Variants in SHISA7 observed in about 807,000 individuals in gnomAD.
SHISA7 encodes shisa family member 7, also known as protein shisa-7.
SHISA7 carries 6 observed loss-of-function variants against 23.9 expected under a neutral mutation model. The ratio of observed to expected loss-of-function variants is 0.25; its 90% CI spans 0.14 to 0.50. The LOEUF (loss-of-function observed/expected upper bound fraction) is 0.50. Ranked by LOEUF, SHISA7 falls within the 20% of genes least tolerant of loss-of-function variation. SHISA7 has a pLI of 0.98. For synonymous variants in SHISA7, 386 were observed against 398.3 expected, an observed-to-expected ratio of 0.97 and a Z score of 0.37; for missense variants, 671 against 801.1, an observed-to-expected ratio of 0.84 and a Z score of 1.96.
intron 3 of SHISA7, among the ~76,000 whole-genome samples, chr19:55,435,538 A>G (rs1985438077): frequency 7.2e-6 from 1 of 139,068 alleles, no homozygotes; most frequent in Non-Finnish European, 1.5e-5. Context: ...GGGTCCCTTG[A>G]GCCCAGGAGT....
In SHISA7 at chr19:55,433,308, C is replaced by T. The variant is rs1214745848; in HGVS notation, c.1465G>A (p.Ala489Thr). The T allele has an allele frequency of 1.0e-5, 15 of 1,488,638 alleles. No homozygotes were observed. Among genetic ancestry groups the T allele is most frequent in the Non-Finnish European group, 1.2e-5 (14 of 1,127,872 alleles). The allele number at this position is 1,488,638 out of a possible 1,614,324, so 92.2% of individuals were successfully genotyped here. Residue 489 changes from alanine (A) to threonine (T), a missense_variant, in exon 4 of 4, where the codon GCC (alanine) becomes ACC (threonine). Coordinates refer to ENST00000376325, the MANE Select transcript of SHISA7 (RefSeq NM_001145176.2). This position sits in a 1 kb window ranked among gnomAD's most constrained non-coding sequence, Gnocchi z 8.4. ...CCCCCGCCGGCGTCGGACATCCAGG[C>T]CGGCTGCGGCGAGCCGTGCAGGGCG... ...HHALHGSPQP[A>T]WMSDAGGGGG...
At position 55,433,288 on chromosome 19, in the gene SHISA7, G is replaced by T. The variant is rs1282573497; in HGVS notation, c.1485C>A (p.Gly495=). The T allele has an allele frequency of 2.0e-6, 3 of 1,504,480 alleles. No individual in the cohort carries two copies. Among genetic ancestry groups the T allele is most frequent in the East Asian group, 5.4e-5 (2 of 37,214 alleles). The allele number at this position is 1,504,480 out of a possible 1,614,324, so 93.2% of individuals were successfully genotyped here. A position where few individuals can be genotyped will look rare whatever the true frequency, so the allele number is the denominator to read the frequency against. Residue 495 remains glycine (G), a synonymous_variant, in exon 4 of 4, where the codon GGC becomes GGA. Coordinates refer to ENST00000376325, the MANE Select transcript of SHISA7 (RefSeq NM_001145176.2). This position sits in a 1 kb window ranked among gnomAD's most constrained non-coding sequence, Gnocchi z 8.4. ...TGCGGGCCAGTGTGCCCCCGCCCCC[G>T]CCGGCGTCGGACATCCAGGCCGGCT... ...SPQPAWMSDA[G]GGGGTLARRP...
In SHISA7 at chr19:55,442,868, C is replaced by G; in HGVS notation, c.-5G>C. On this transcript the variant is annotated 5_prime_UTR_variant, in exon 1 of 4. Coordinates refer to ENST00000376325, the MANE Select transcript of SHISA7 (RefSeq NM_001145176.2). ...GAGGAGCAGGAGGGCCGGCATGGGG[C>G]TTGCAGGGGGTCGCACTGGGCCGCC... The G allele has an allele frequency of 7.3e-7, 1 of 1,363,956 alleles. No individual in the cohort carries two copies. The allele number at this position is 1,363,956 out of a possible 1,614,324, so 84.5% of individuals were successfully genotyped here. A position where few individuals can be genotyped will look rare whatever the true frequency, so the allele number is the denominator to read the frequency against.
Position 55,433,214 on chromosome 19 carries a change from G to A in SHISA7, c.1559C>T (p.Pro520Leu). ...CAGGTGCTGGGGCAGGTGGTGGCCC[G>A]GGATGAACTGCAGCTGCTCCAGCGT... ...QGTLEQLQFI[P>L]GHHLPQHLRT... Residue 520 changes from proline to leucine, a missense_variant, in exon 4 of 4, where the codon CCG becomes CTG. Coordinates refer to ENST00000376325, the MANE Select transcript of SHISA7 (RefSeq NM_001145176.2). This position sits in a 1 kb window ranked among gnomAD's most constrained non-coding sequence, Gnocchi z 8.4. 3 of 1,529,254 alleles carry A rather than the reference G, an allele frequency of 2.0e-6. No homozygotes were observed. The highest frequency in any genetic ancestry group is 2.0e-5 in the Admixed American group (1 of 50,708). 94.7% of individuals were successfully genotyped at this position (1,529,254 alleles called of 1,614,324 possible). A position where few individuals can be genotyped will look rare whatever the true frequency, so the allele number is the denominator to read the frequency against.
At chr19:55,434,651 GT>G in intron 3 of SHISA7, among the ~76,000 whole-genome samples, 1 of 49,478 alleles carries the variant, frequency 2.0e-5, no homozygotes, top group Non-Finnish European at 4.6e-5. Flanking sequence ...TGTGTGTATG[GT>G]GTGTGTGGTG....
At position 55,433,556 on chromosome 19, in the gene SHISA7, C is replaced by T; in HGVS notation, c.1217G>A (p.Arg406His). 2 of 1,490,352 alleles carry T rather than the reference C, an allele frequency of 1.3e-6. No homozygotes were observed. Among genetic ancestry groups the T allele is most frequent in the East Asian group, 2.9e-5 (1 of 34,704 alleles). The allele number at this position is 1,490,352 out of a possible 1,614,324, so 92.3% of individuals were successfully genotyped here. A position where few individuals can be genotyped will look rare whatever the true frequency, so the allele number is the denominator to read the frequency against. Reference sequence around the variant, plus strand: ...CAGCAGGTGCTCCTGCGACACCAGGCGCGCGCGCGGCAGCGTGAACTCGTA... The same window carrying T: ...CAGCAGGTGCTCCTGCGACACCAGGTGCGCGCGCGGCAGCGTGAACTCGTA... ...SRYEFTLPRARLVSQEHLLLS... is the reference protein window; with the variant it reads ...SRYEFTLPRAHLVSQEHLLLS... The change falls in exon 4 of 4, where the codon CGC becomes CAC. Residue 406 changes from arginine (R) to histidine (H), a missense_variant. By Grantham distance (29) the Arg-to-His change is conservative. Coordinates refer to ENST00000376325, the MANE Select transcript of SHISA7 (RefSeq NM_001145176.2). The surrounding 1 kb of genome is among the most constrained non-coding windows in gnomAD (Gnocchi z 8.4).
chr19:55,434,572 GTA>G (rs1277910406), intron 3 of SHISA7, among the ~76,000 whole-genome samples: 10 of 116,576 alleles, frequency 8.6e-5, no homozygotes, highest in South Asian at 3.2e-4. Context: ...TGGTGTGTGT[GTA>G]TGGTGTGTGT....
At chr19:55,437,787 A>T (rs1482717105) in intron 2 of SHISA7, 33 bp from the exon 3 acceptor site, 2 of 1,536,450 alleles carry the variant, frequency 1.3e-6, no homozygotes, top group East Asian at 5.0e-5. Flanking sequence ...AGGGTCAGTC[A>T]GCTTCCTCCC....
At chr19:55,442,154 C>T (rs1256289861) in intron 1 of SHISA7, 39 bp downstream of exon 1, 1 of 1,492,126 alleles carries the variant, frequency 6.7e-7, no homozygotes, top group African/African-American at 1.4e-5. Context: ...CTGGGCCCCG[C>T]CCCAGGCTCG....
At chr19:55,438,910 C>T (rs1482637891) in intron 2 of SHISA7, among the ~76,000 whole-genome samples, 1 of 151,890 alleles carries the variant, frequency 6.6e-6, no homozygotes, top group Admixed American at 6.5e-5. Flanking sequence ...CTGAGGGGGT[C>T]GCCTTGCTAC....
rs1362530539 is a variant in SHISA7 at position 55,429,681 on chromosome 19, G to C, written c.*3475C>G. On this transcript the variant is annotated 3_prime_UTR_variant, in exon 4 of 4. Coordinates refer to ENST00000376325, the MANE Select transcript of SHISA7 (RefSeq NM_001145176.2). ...GAGGGGCGTGTAGCCCTTTAAGAGT[G>C]GGGGAATGGCCGCCCCCGCAACATG... 1 of 152,160 alleles carries C rather than the reference G, an allele frequency of 6.6e-6. No homozygotes were observed. Among genetic ancestry groups the C allele is most frequent in the South Asian group, 2.1e-4 (1 of 4,828 alleles). The allele number at this position is 152,160 out of a possible 1,614,324, so 9.4% of individuals were successfully genotyped here. A position where few individuals can be genotyped will look rare whatever the true frequency, so the allele number is the denominator to read the frequency against.
At position 55,431,344 on chromosome 19, in the gene SHISA7, G is replaced by T. The variant is rs1009231527; in HGVS notation, c.*1812C>A. ...TCAGTAGAGGATGTCTCTGTCAGGT[G>T]TAGTGGATTCTGGAAGGTAATGTCA... On this transcript the variant is annotated 3_prime_UTR_variant, in exon 4 of 4. Transcript: ENST00000376325. 1 of 152,078 alleles carries T rather than the reference G, an allele frequency of 6.6e-6. No homozygotes were observed. The highest frequency in any genetic ancestry group is 1.5e-5 in the Non-Finnish European group (1 of 68,024). The allele number at this position is 152,078 out of a possible 1,614,324, so 9.4% of individuals were successfully genotyped here. A position where few individuals can be genotyped will look rare whatever the true frequency, so the allele number is the denominator to read the frequency against.
At chr19:55,439,416 C>G (rs1023100132) in intron 2 of SHISA7, among the ~76,000 whole-genome samples, 1 of 152,192 alleles carries the variant, frequency 6.6e-6, no homozygotes, top group Non-Finnish European at 1.5e-5. Flanking sequence ...GGCCTCTTTC[C>G]TCTCATCTCT....
rs1231043016 is a variant in SHISA7 at position 55,433,543 on chromosome 19, C to T, written c.1230G>A (p.Gln410=). 2 of 1,492,774 alleles carry T rather than the reference C, an allele frequency of 1.3e-6. No homozygotes were observed. Among genetic ancestry groups the T allele is most frequent in the African/African-American group, 2.9e-5 (2 of 68,422 alleles). The allele number at this position is 1,492,774 out of a possible 1,614,324, so 92.5% of individuals were successfully genotyped here. A position where few individuals can be genotyped will look rare whatever the true frequency, so the allele number is the denominator to read the frequency against. Residue 410 remains glutamine, a synonymous_variant, in exon 4 of 4, where the codon CAG becomes CAA. Coordinates refer to ENST00000376325, the MANE Select transcript of SHISA7 (RefSeq NM_001145176.2). This position sits in a 1 kb window ranked among gnomAD's most constrained non-coding sequence, Gnocchi z 8.4. ...CGGGCGAGGACAGCAGCAGGTGCTC[C>T]TGCGACACCAGGCGCGCGCGCGGCA... is the stretch of plus-strand genomic sequence containing the variant. ...FTLPRARLVS[Q]EHLLLSSPEA...
Position 55,432,887 on chromosome 19 carries a change from A to G in SHISA7, c.*269T>C. On this transcript the variant is annotated 3_prime_UTR_variant, in exon 4 of 4. Transcript: ENST00000376325. This position sits in a 1 kb window ranked among gnomAD's most constrained non-coding sequence, Gnocchi z 4.6. ...AACGAGGCTTTGTCCCTGTGATGAC[A>G]TCACAGAACACAGACATTTTTGCTA... The G allele has an allele frequency of 2.2e-6, 1 of 453,568 alleles. No individual in the cohort carries two copies. Among genetic ancestry groups the G allele is most frequent in the Non-Finnish European group, 3.9e-6 (1 of 256,842 alleles). The allele number at this position is 453,568 out of a possible 1,614,324, so 28.1% of individuals were successfully genotyped here. A position where few individuals can be genotyped will look rare whatever the true frequency, so the allele number is the denominator to read the frequency against.
intron 3 of SHISA7, 120 bp downstream of exon 3, chr19:55,437,484 TA>T: frequency 1.6e-6 from 2 of 1,267,812 alleles, no homozygotes; most frequent in Non-Finnish European, 2.1e-6. Flanking sequence ...GAACTTGGAG[TA>T]AAACCTGGGA....
intron 2 of SHISA7, 55 bp downstream of exon 2, chr19:55,440,556 G>A (rs112229831): frequency 1.4e-5 from 18 of 1,246,968 alleles, no homozygotes; most frequent in Non-Finnish European, 1.8e-5. Context: ...GGGGCTACAT[G>A]ATGAAGGGGC....
In SHISA7 at chr19:55,443,016, T is replaced by G. The variant is rs1985632532; in HGVS notation, c.-153A>C. Among the ~76,000 whole-genome samples the G allele has an allele frequency of 5.6e-5, 8 of 143,528 alleles. No homozygotes were observed. The highest frequency in any genetic ancestry group is 2.1e-4 in the East Asian group (1 of 4,696). The allele number at this position is 143,528 out of a possible 152,430, so 94.2% of individuals were successfully genotyped here. ...GGAGGGCGGGCGGGGGGCGGCAGAG[T>G]GTGGGGAGCAACAGGCGCCAGGAGG... On this transcript the variant is annotated 5_prime_UTR_variant, in exon 1 of 4. Transcript: ENST00000376325.
chr19:55,441,711 G>A (rs760515279), intron 1 of SHISA7, among the ~76,000 whole-genome samples: 1 of 152,134 alleles, frequency 6.6e-6, no homozygotes, highest in Non-Finnish European at 1.5e-5. Flanking sequence ...AGCCCTTACC[G>A]TGTGCCAGGA....
Sources: allele counts gnomAD v4.1 joint callset (sites outside exome capture counted in the v4.1 genomes callset), GRCh38; gene constraint gnomAD v4.1.1; non-coding constraint Gnocchi (gnomAD v3.1); transcripts MANE v1.5; gene names NCBI Gene and HGNC (gene_info 2026-07-23, HGNC 2026-07-21).